The following EXOC6B variants were observed in gnomAD, a reference collection of about 807,000 sequenced individuals.
EXOC6B encodes the protein exocyst complex component 6B, also known as SEC15 homolog B.
In EXOC6B, 54 loss-of-function variants were observed where a neutral mutation model predicts 113.5. The observed-to-expected ratio is 0.48, with a 90% CI of 0.38 to 0.60. The LOEUF is 0.60. EXOC6B is among the 20% of genes least tolerant of loss of function. EXOC6B has a pLI of 0.00. For missense variants in EXOC6B, 797 were observed against 977.5 expected, an observed-to-expected ratio of 0.82 and a Z score of 2.46; for synonymous variants, 357 against 339.0, an observed-to-expected ratio of 1.05 and a Z score of -0.58.
At chr2:72,712,893 C>T (rs1679362264) in intron 6 of EXOC6B, among the ~76,000 whole-genome samples, 1 of 152,034 alleles carries the variant, frequency 6.6e-6, no homozygotes, top group Non-Finnish European at 1.5e-5. Flanking sequence ...AAACCACATG[C>T]AATTAAAGAA....
chr2:72,698,288 AGATAATTAAG>A (rs545158779), intron 6 of EXOC6B, among the ~76,000 whole-genome samples: 1 of 152,382 alleles, frequency 6.6e-6, no homozygotes, highest in East Asian at 1.9e-4. Flanking sequence ...TGGTGGAGAC[AGATAATTAAG>A]GAACAAGAGT....
chr2:72,345,458 A>C (rs957639304), intron 19 of EXOC6B, among the ~76,000 whole-genome samples: 5 of 152,210 alleles, frequency 3.3e-5, no homozygotes, highest in Non-Finnish European at 1.5e-5. Context: ...ATGGATAAAT[A>C]AATGGTGTTA....
chr2:72,444,073 T>C (rs183657192), intron 18 of EXOC6B, among the ~76,000 whole-genome samples: 3 of 152,274 alleles, frequency 2.0e-5, no homozygotes, highest in African/African-American at 4.8e-5. Context: ...AAAAGCAAGT[T>C]AGTTATTTCC....
intron 6 of EXOC6B, among the ~76,000 whole-genome samples, chr2:72,588,224 C>T (rs1705710194): frequency 6.6e-6 from 1 of 152,012 alleles, no homozygotes; most frequent in Non-Finnish European, 1.5e-5. Context: ...GAAATACCTG[C>T]AAGCACATGT....
At chr2:72,778,577 T>A (rs909967292) in intron 1 of EXOC6B, among the ~76,000 whole-genome samples, 2 of 152,198 alleles carry the variant, frequency 1.3e-5, no homozygotes, top group Non-Finnish European at 2.9e-5. Flanking sequence ...TACCATTTCA[T>A]ACACTGGTGA....
At chr2:72,775,053 G>A (rs1431963942) in intron 1 of EXOC6B, among the ~76,000 whole-genome samples, 5 of 152,122 alleles carry the variant, frequency 3.3e-5, no homozygotes, top group African/African-American at 1.2e-4. Flanking sequence ...GAAAGAGGGG[G>A]ATGCAAGGAG....
intron 2 of EXOC6B, among the ~76,000 whole-genome samples, chr2:72,735,828 C>T (rs569283050): frequency 1.3e-5 from 2 of 151,586 alleles, no homozygotes; most frequent in Admixed American, 6.6e-5. Flanking sequence ...GAGCGAAACT[C>T]CATCTCAAAA....
chr2:72,396,471 A>C (rs367741129), intron 18 of EXOC6B, among the ~76,000 whole-genome samples: 16 of 152,334 alleles, frequency 1.1e-4, no homozygotes, highest in Middle Eastern at 3.4e-3. Context: ...AAATATTCCT[A>C]AACAGCATAG....
intron 6 of EXOC6B, among the ~76,000 whole-genome samples, chr2:72,647,209 C>T (rs1387711651): frequency 6.6e-6 from 1 of 152,074 alleles, no homozygotes; most frequent in Non-Finnish European, 1.5e-5. Flanking sequence ...ACCTAGGAAT[C>T]CAACTTACAA....
chr2:72,215,998 A>C (rs183141925), intron 20 of EXOC6B, among the ~76,000 whole-genome samples: 2 of 152,254 alleles, frequency 1.3e-5, no homozygotes, highest in African/African-American at 4.8e-5. Context: ...AAACCAAAAC[A>C]AAAAACCCTT....
intron 20 of EXOC6B, among the ~76,000 whole-genome samples, chr2:72,326,961 G>A (rs1688162038): frequency 6.6e-6 from 1 of 152,010 alleles, no homozygotes; most frequent in Non-Finnish European, 1.5e-5. Flanking sequence ...AGGCCCATGA[G>A]TCAGAAGGCC....
intron 6 of EXOC6B, among the ~76,000 whole-genome samples, chr2:72,612,382 GGTAGTATCCTAAGT>G (rs1438395057): frequency 1.3e-5 from 2 of 152,046 alleles, no homozygotes; most frequent in African/African-American, 4.8e-5. Flanking sequence ...TTTGTATAAA[GGTAGTATCCTAAGT>G]GAGGCAGATG....
intron 20 of EXOC6B, among the ~76,000 whole-genome samples, chr2:72,236,701 T>C (rs898541341): frequency 6.6e-6 from 1 of 152,094 alleles, no homozygotes; most frequent in Non-Finnish European, 1.5e-5. Context: ...AAAGACATGG[T>C]TATTTTCCTG....
At chr2:72,386,436 G>C (rs181681238) in intron 18 of EXOC6B, among the ~76,000 whole-genome samples, 2 of 152,314 alleles carry the variant, frequency 1.3e-5, no homozygotes, top group Non-Finnish European at 2.9e-5. Flanking sequence ...TCCGAGGCAA[G>C]TCACAGACCT....
At chr2:72,692,105 A>G (rs1677527940) in intron 6 of EXOC6B, among the ~76,000 whole-genome samples, 1 of 152,182 alleles carries the variant, frequency 6.6e-6, no homozygotes, top group Non-Finnish European at 1.5e-5. Flanking sequence ...AACAAAGGTA[A>G]TCTTTCACAC....
chr2:72,212,549 C>T (rs1249683854), intron 20 of EXOC6B, among the ~76,000 whole-genome samples: 1 of 152,142 alleles, frequency 6.6e-6, no homozygotes, highest in African/African-American at 2.4e-5. Flanking sequence ...AATAAAACGC[C>T]TTTAACTTAA....
chr2:72,636,693 A>G (rs1672859238), intron 6 of EXOC6B, among the ~76,000 whole-genome samples: 1 of 152,216 alleles, frequency 6.6e-6, no homozygotes, highest in African/African-American at 2.4e-5. Context: ...CCTTAACTTG[A>G]TAAAATCTAC....
chr2:72,179,211 G>C lies in EXOC6B; in HGVS notation c.*124C>G. 1 of 1,108,928 alleles carries C rather than the reference G, an allele frequency of 9.0e-7. No homozygotes were observed. The highest frequency in any genetic ancestry group is 1.3e-6 in the Non-Finnish European group (1 of 795,400). 68.7% of individuals were successfully genotyped at this position (1,108,928 alleles called of 1,614,324 possible). ...AATGTTATGTGAATACTGCACAGGG[G>C]TTAATAAAAAAATACATATGCTCTC... On this transcript the variant is annotated 3_prime_UTR_variant, in exon 22 of 22. Transcript: ENST00000272427.
chr2:72,418,313 A>G (rs1195907601), intron 18 of EXOC6B, among the ~76,000 whole-genome samples: 1 of 152,170 alleles, frequency 6.6e-6, no homozygotes, highest in East Asian at 1.9e-4. Context: ...GAAACTCTAT[A>G]CCCATTAAAC....
Sources: gnomAD v4.1 joint callset for allele counts (sites outside exome capture counted in the v4.1 genomes callset) on GRCh38, gnomAD v4.1.1 for gene constraint, MANE v1.5 for transcripts, NCBI Gene and HGNC (gene_info 2026-07-23, HGNC 2026-07-21) for gene names.